Variants in PHLPP1 observed in about 807,000 individuals in gnomAD.
PHLPP1 encodes PH domain and leucine rich repeat protein phosphatase 1, also known as PH domain leucine-rich repeat-containing protein phosphatase 1.
PHLPP1 carries 42 observed loss-of-function variants against 117.2 expected under a neutral mutation model. The ratio of observed to expected loss-of-function variants is 0.36; its 90% CI spans 0.28 to 0.46. The LOEUF is 0.46. Among genes scored for constraint, PHLPP1 ranks in the 20% least tolerant of loss-of-function variants. The pLI is 1.00. For missense variants in PHLPP1, 2,084 were observed against 2,241.9 expected (o/e 0.93, Z 1.42); for synonymous variants, 1,042 against 970.7 (o/e 1.07, Z -1.37).
At chr18:62,800,893 A>G (rs1230042658) in intron 1 of PHLPP1, among the ~76,000 whole-genome samples, 6 of 152,136 alleles carry the variant, frequency 3.9e-5, no homozygotes, top group Non-Finnish European at 7.4e-5. Context: ...TGGAGGAGAC[A>G]TAGAGAGAAG....
chr18:62,956,606 T>G (rs1305176734), intron 12 of PHLPP1, among the ~76,000 whole-genome samples: 1 of 152,098 alleles, frequency 6.6e-6, no homozygotes, highest in African/African-American at 2.4e-5. Flanking sequence ...TTAAAAAATA[T>G]ATATGAATAA....
chr18:62,747,419 A>G (rs1017444585), intron 1 of PHLPP1, among the ~76,000 whole-genome samples: 6 of 151,666 alleles, frequency 4.0e-5, no homozygotes, highest in African/African-American at 1.5e-4. Context: ...CTGGAATTAC[A>G]GGTGTGAGCC....
intron 4 of PHLPP1, among the ~76,000 whole-genome samples, chr18:62,867,729 C>G (rs1468743761): frequency 6.6e-6 from 1 of 152,062 alleles, no homozygotes; most frequent in Non-Finnish European, 1.5e-5. Context: ...ACTAGAGAAA[C>G]CCTTTGGTAT....
chr18:62,867,219 G>A (rs187640990), intron 4 of PHLPP1, among the ~76,000 whole-genome samples: 40 of 152,052 alleles, frequency 2.6e-4, no homozygotes, highest in Admixed American at 1.6e-3. Flanking sequence ...TCTTTCTGCC[G>A]TTTTCCTTTC....
At chr18:62,958,878 A>AG in intron 13 of PHLPP1, 119 bp downstream of exon 13, 1 of 1,099,196 alleles carries the variant, frequency 9.1e-7, no homozygotes, top group Non-Finnish European at 1.3e-6. Context: ...GTGTTAACAC[A>AG]CACAACAGGA....
rs542328743 is a variant in PHLPP1 at position 62,922,664 on chromosome 18, C to A, written c.2960+2550C>A. Among the ~76,000 whole-genome samples, 56 of 152,284 alleles carry A rather than the reference C, an allele frequency of 3.7e-4. 1 individual carries two copies. The South Asian group carries it at 0.011, about 30-fold the overall frequency. On this transcript the variant is annotated intron_variant, in intron 10 of 16. Transcript: ENST00000262719. ...TTTAGGAGCCTGAATGAAATAAAAA[C>A]CATTTCTGAATCTGGCCAATTCTGG...
chr18:62,880,371 C>T (rs761139872), intron 4 of PHLPP1, among the ~76,000 whole-genome samples: 8 of 152,100 alleles, frequency 5.3e-5, no homozygotes, highest in Non-Finnish European at 8.8e-5. Flanking sequence ...GATATAGATG[C>T]TATTTGGTTT....
At chr18:62,925,588 T>C (rs947100933) in intron 10 of PHLPP1, among the ~76,000 whole-genome samples, 11 of 152,128 alleles carry the variant, frequency 7.2e-5, no homozygotes, top group African/African-American at 2.7e-4. Context: ...CGATTGACCA[T>C]GACAACTGGT....
chr18:62,912,882 A>T (rs1358188069), intron 8 of PHLPP1, among the ~76,000 whole-genome samples: 1 of 152,210 alleles, frequency 6.6e-6, no homozygotes, highest in Non-Finnish European at 1.5e-5. Context: ...TGGCCTCCCA[A>T]AGGGCTGGGA....
At chr18:62,901,452 G>A (rs534191222) in intron 6 of PHLPP1, among the ~76,000 whole-genome samples, 69 of 152,204 alleles carry the variant, frequency 4.5e-4, no homozygotes, top group African/African-American at 1.4e-3. Context: ...CTGTGCTTGC[G>A]TGTTGACAAA....
intron 1 of PHLPP1, among the ~76,000 whole-genome samples, chr18:62,828,886 G>T (rs1422431140): frequency 6.6e-6 from 1 of 152,136 alleles, no homozygotes; most frequent in Non-Finnish European, 1.5e-5. Context: ...TTATCTCTGG[G>T]CAGAGGCTTT....
intron 3 of PHLPP1, among the ~76,000 whole-genome samples, chr18:62,840,683 A>G (rs892800914): frequency 1.3e-5 from 2 of 152,220 alleles, no homozygotes; most frequent in African/African-American, 4.8e-5. Context: ...AGATGTTGAT[A>G]TTTTAAATCA....
At chr18:62,948,515 A>G (rs1051419537) in intron 12 of PHLPP1, among the ~76,000 whole-genome samples, 3 of 151,678 alleles carry the variant, frequency 2.0e-5, no homozygotes, top group Non-Finnish European at 2.9e-5. Context: ...CTCCTTTTCA[A>G]TTTTACTTCC....
intron 10 of PHLPP1, among the ~76,000 whole-genome samples, chr18:62,925,371 A>T (rs563256262): frequency 1.3e-5 from 2 of 152,282 alleles, no homozygotes; most frequent in East Asian, 3.9e-4. Context: ...GTCTGTTTTT[A>T]TTCCTGGGTG....
intron 1 of PHLPP1, among the ~76,000 whole-genome samples, chr18:62,749,921 C>T (rs960805748): frequency 2.0e-5 from 3 of 152,134 alleles, no homozygotes; most frequent in East Asian, 1.9e-4. Context: ...GAGGCTGAGA[C>T]GGGAGAATCT....
intron 1 of PHLPP1, among the ~76,000 whole-genome samples, chr18:62,781,775 G>A (rs1225100572): frequency 6.6e-6 from 1 of 152,072 alleles, no homozygotes; most frequent in Non-Finnish European, 1.5e-5. Context: ...TAGAAACATA[G>A]CCTCATGAAG....
chr18:62,951,130 C>T (rs1446586255), intron 12 of PHLPP1, among the ~76,000 whole-genome samples: 2 of 151,978 alleles, frequency 1.3e-5, no homozygotes, highest in African/African-American at 2.4e-5. Context: ...TACAGGTGCC[C>T]GCCACCACGC....
chr18:62,783,362 G>A (rs1156853539), intron 1 of PHLPP1, among the ~76,000 whole-genome samples: 1 of 151,754 alleles, frequency 6.6e-6, no homozygotes, highest in Non-Finnish European at 1.5e-5. Flanking sequence ...TGAGTAGCTG[G>A]GACTACAGGT....
At position 62,916,747 on chromosome 18, in the gene PHLPP1, C is replaced by CTTTTTTTTTTTTT. The variant is rs10538704; in HGVS notation, c.2804+1751_2804+1763dup. On this transcript the variant is annotated intron_variant, in intron 9 of 16. Transcript: ENST00000262719. ...TTCTTCTATTTTCTTTCCTTCTATT[C>CTTTTTTTTTTTTT]TTTTTTTTTTTTTTTTTTTTTTTTG... Among the ~76,000 whole-genome samples the CTTTTTTTTTTTTT allele has an allele frequency of 4.3e-3, 305 of 71,076 alleles. 17 individuals carry two copies. The highest frequency in any genetic ancestry group is 5.4e-3 in the East Asian group (12 of 2,208). 46.6% of individuals were successfully genotyped at this position (71,076 alleles called of 152,430 possible).
Sources: gnomAD v4.1 joint callset for allele counts (sites outside exome capture counted in the v4.1 genomes callset) on GRCh38, gnomAD v4.1.1 for gene constraint, MANE v1.5 for transcripts, NCBI Gene and HGNC (gene_info 2026-07-23, HGNC 2026-07-21) for gene names.